Variants in UBE3D observed in about 807,000 individuals in gnomAD.
UBE3D encodes ubiquitin protein ligase E3D.
Under a neutral mutation model 49.6 loss-of-function variants are expected in UBE3D, and 48 were observed. The ratio of observed to expected loss-of-function variants is 0.97; its 90% CI spans 0.77 to 1.23. The LOEUF (loss-of-function observed/expected upper bound fraction) is 1.23. UBE3D is among the 50% of genes most tolerant of loss of function. The probability of loss-of-function intolerance (pLI) is 0.00; values close to 1 mark genes in which losing one functional copy is unlikely to be tolerated. For synonymous variants in UBE3D, 189 were observed against 174.2 expected (o/e 1.08, Z -0.67); for missense variants, 452 against 468.4 (o/e 0.96, Z 0.32).
chr6:82,943,155 G>A, intron 9 of UBE3D, among the ~76,000 whole-genome samples: 1 of 152,216 alleles, frequency 6.6e-6, no homozygotes, highest in East Asian at 1.9e-4. Context: ...AGACTTACAT[G>A]GGGCCTGTAG....
At chr6:82,995,769 C>T (rs1779198996) in intron 8 of UBE3D, among the ~76,000 whole-genome samples, 1 of 152,052 alleles carries the variant, frequency 6.6e-6, no homozygotes, top group African/African-American at 2.4e-5. Flanking sequence ...TAGCTCTTAA[C>T]CTTTAAAAAC....
At chr6:82,905,717 T>C (rs1582297125) in intron 9 of UBE3D, among the ~76,000 whole-genome samples, 1 of 152,152 alleles carries the variant, frequency 6.6e-6, no homozygotes, top group South Asian at 2.1e-4. Context: ...CACAGCTCCT[T>C]ACTCAAGTCT....
chr6:82,994,600 T>C (rs1241203385), intron 8 of UBE3D, among the ~76,000 whole-genome samples: 3 of 152,150 alleles, frequency 2.0e-5, no homozygotes, highest in African/African-American at 7.2e-5. Flanking sequence ...AAGAGATGCA[T>C]GTAAACACCA....
At chr6:82,987,059 C>G (rs1340121413) in intron 8 of UBE3D, among the ~76,000 whole-genome samples, 1 of 151,986 alleles carries the variant, frequency 6.6e-6, no homozygotes, top group African/African-American at 2.4e-5. Context: ...ATCCTCCTCC[C>G]TCAGCCTCCT....
intron 5 of UBE3D, among the ~76,000 whole-genome samples, chr6:83,024,346 G>C (rs537794751): frequency 2.6e-5 from 4 of 152,186 alleles, no homozygotes; most frequent in African/African-American, 9.6e-5. Flanking sequence ...TTAGTCACTG[G>C]GTTTCCTCAA....
intron 8 of UBE3D, chr6:83,017,453 A>G (rs898256665): frequency 5.3e-5 from 8 of 152,140 alleles, no homozygotes; most frequent in African/African-American, 1.4e-4. Context: ...TTGACTATGC[A>G]TAAGGGCACA....
At chr6:82,962,581 C>T (rs1776633376) in intron 8 of UBE3D, among the ~76,000 whole-genome samples, 1 of 152,194 alleles carries the variant, frequency 6.6e-6, no homozygotes, top group East Asian at 1.9e-4. Flanking sequence ...TAATTACAGA[C>T]ATTTGCATGG....
chr6:82,954,392 A>G (rs1401102257), intron 9 of UBE3D, among the ~76,000 whole-genome samples: 2 of 152,188 alleles, frequency 1.3e-5, no homozygotes, highest in Admixed American at 1.3e-4. Flanking sequence ...TTGGCCTGAG[A>G]GAAATGTTAC....
chr6:82,936,145 C>T (rs1227853471), intron 9 of UBE3D, among the ~76,000 whole-genome samples: 1 of 151,994 alleles, frequency 6.6e-6, no homozygotes, highest in Admixed American at 6.6e-5. Flanking sequence ...ACAATTTAGT[C>T]TCTGCTAGAA....
At chr6:82,963,039 C>A (rs1309226501) in intron 8 of UBE3D, among the ~76,000 whole-genome samples, 2 of 152,132 alleles carry the variant, frequency 1.3e-5, no homozygotes, top group African/African-American at 4.8e-5. Context: ...TAAACTTTCT[C>A]TGTAATTTCA....
In UBE3D at chr6:83,055,148, A is replaced by T. The variant is rs539566765; in HGVS notation, c.275-910T>A. Among the ~76,000 whole-genome samples the T allele has an allele frequency of 6.0e-4, 91 of 151,360 alleles. No homozygotes were observed. The East Asian group carries it at 8.6e-3, about 14-fold the overall frequency. On this transcript the variant is annotated intron_variant, in intron 2 of 9. Transcript: ENST00000369747. ...AAAACGTTGAAAGCTGTGGGGAAAAATGTATATTTCTCACACTATGGGAAA... is the reference window on the plus strand; with the variant it reads ...AAAACGTTGAAAGCTGTGGGGAAAATTGTATATTTCTCACACTATGGGAAA...
intron 9 of UBE3D, among the ~76,000 whole-genome samples, chr6:82,943,882 A>G (rs895206453): frequency 1.3e-5 from 2 of 152,134 alleles, no homozygotes; most frequent in African/African-American, 4.8e-5. Context: ...GTGGAAAGCA[A>G]AACCAAGTGG....
At chr6:82,992,964 CACA>C (rs1778994503) in intron 8 of UBE3D, among the ~76,000 whole-genome samples, 1 of 151,660 alleles carries the variant, frequency 6.6e-6, no homozygotes, top group Non-Finnish European at 1.5e-5. Flanking sequence ...GTATGTGTTC[CACA>C]ACTGCAGCAA....
At chr6:83,019,191 C>T in intron 7 of UBE3D, 55 bp from the exon 8 acceptor site, 1 of 1,477,644 alleles carries the variant, frequency 6.8e-7, no homozygotes, top group East Asian at 2.4e-5. Flanking sequence ...TTATCCATAT[C>T]TTATGACTTT....
intron 1 of UBE3D, chr6:83,063,249 C>CA (rs1250403881): frequency 5.8e-5 from 13 of 225,886 alleles, no homozygotes; most frequent in South Asian, 2.1e-4. Flanking sequence ...CCTATCTCTA[C>CA]AAAAAAATAC....
At chr6:82,885,879 C>T in the UBE3D span, among the ~76,000 whole-genome samples, 2 of 152,110 alleles carry the variant, frequency 1.3e-5, no homozygotes, top group Non-Finnish European at 2.9e-5. Flanking sequence ...TTATTCTTCC[C>T]ATCTTTCCAA....
At chr6:82,913,478 C>T (rs1269329068) in intron 9 of UBE3D, among the ~76,000 whole-genome samples, 1 of 152,166 alleles carries the variant, frequency 6.6e-6, no homozygotes, top group Non-Finnish European at 1.5e-5. Context: ...GAGTTGTGCT[C>T]CTACTTCATT....
At position 82,987,367 on chromosome 6, in the gene UBE3D, G is replaced by A. The variant is rs183906056; in HGVS notation, c.1011-29917C>T. ...TGTTTGTAGTAGTTTTCTCATGGAT[G>A]CTTTTGGATTTTCTTGATACATAAC... On this transcript the variant is annotated intron_variant, in intron 8 of 9. Coordinates refer to ENST00000369747, the MANE Select transcript of UBE3D (RefSeq NM_198920.3). Among the ~76,000 whole-genome samples, 180 of 152,152 alleles carry A rather than the reference G, an allele frequency of 1.2e-3. 1 individual carries two copies. The highest frequency in any genetic ancestry group is 4.2e-3 in the African/African-American group (174 of 41,508).
chr6:82,991,064 T>C (rs953578988), intron 8 of UBE3D, among the ~76,000 whole-genome samples: 8 of 152,190 alleles, frequency 5.3e-5, no homozygotes, highest in African/African-American at 1.9e-4. Flanking sequence ...GCAGGAGGCC[T>C]CAGTTCCTTA....
Sources: gnomAD v4.1 joint callset for allele counts (sites outside exome capture counted in the v4.1 genomes callset) on GRCh38, gnomAD v4.1.1 for gene constraint, MANE v1.5 for transcripts, NCBI Gene and HGNC (gene_info 2026-07-23, HGNC 2026-07-21) for gene names.